The following SLC45A4 variants were observed in gnomAD, a reference collection of about 807,000 sequenced individuals.
SLC45A4 encodes the protein polyamine-transporter SLC45A4.
SLC45A4 carries 32 observed loss-of-function variants against 63.7 expected under a neutral mutation model. That is an observed-to-expected ratio of 0.50 (90% CI 0.38 to 0.67). The LOEUF (loss-of-function observed/expected upper bound fraction) is 0.67. SLC45A4 is among the 30% of genes least tolerant of loss of function. The pLI is 0.00. For missense variants in SLC45A4, 1,027 were observed against 1,157.7 expected, an observed-to-expected ratio of 0.89 and a Z score of 1.64; for synonymous variants, 535 against 510.0, an observed-to-expected ratio of 1.05 and a Z score of -0.66.
intron 2 of SLC45A4, among the ~76,000 whole-genome samples, chr8:141,238,107 C>A: frequency 6.6e-6 from 1 of 152,190 alleles, no homozygotes; most frequent in South Asian, 2.1e-4. Flanking sequence ...GGCCACGGGC[C>A]ACCTGTGCTG....
Position 141,211,821 on chromosome 8 carries a change from A to T in SLC45A4, c.2302-124T>A, listed in dbSNP as rs548855291. 7 of 1,320,472 alleles carry T rather than the reference A, an allele frequency of 5.3e-6. No individual in the cohort carries two copies. The African/African-American group carries it at 1.1e-4, about 20-fold the overall frequency. 81.8% of individuals were successfully genotyped at this position (1,320,472 alleles called of 1,614,324 possible). A position where few individuals can be genotyped will look rare whatever the true frequency, so the allele number is the denominator to read the frequency against. ...TTTTCAATTATAATTTTAGAAATGC[A>T]AAATCTTATTTTTTCTAAGTTGCTT... On this transcript the variant is annotated intron_variant, in intron 8 of 8. Transcript: ENST00000517878.
chr8:141,277,252 C>T (rs1171746466), intron 1 of SLC45A4, among the ~76,000 whole-genome samples: 3 of 152,244 alleles, frequency 2.0e-5, no homozygotes, highest in African/African-American at 4.8e-5. Flanking sequence ...GGACACAAGA[C>T]AGGTCCGGGT....
intron 2 of SLC45A4, among the ~76,000 whole-genome samples, chr8:141,249,981 G>A (rs1254950158): frequency 2.0e-5 from 3 of 152,192 alleles, no homozygotes; most frequent in Non-Finnish European, 4.4e-5. Context: ...CGTGAACTCT[G>A]TAATGCTCAG....
chr8:141,283,688 G>A (rs1225567733), intron 1 of SLC45A4, among the ~76,000 whole-genome samples: 3 of 152,232 alleles, frequency 2.0e-5, no homozygotes, highest in Non-Finnish European at 2.9e-5. Flanking sequence ...GCTTGAAGGA[G>A]CAGAAGAAAA....
chr8:141,219,610 G>T, intron 4 of SLC45A4, 40 bp downstream of exon 4: 2 of 1,570,618 alleles, frequency 1.3e-6, no homozygotes, highest in Non-Finnish European at 8.6e-7. Flanking sequence ...GCCCGGGCAC[G>T]TTGGAACCCG....
intron 2 of SLC45A4, chr8:141,252,423 C>T (rs1161794065): frequency 6.3e-6 from 1 of 158,372 alleles, no homozygotes; most frequent in South Asian, 1.5e-4. Flanking sequence ...GTTTTCACGC[C>T]CACCTGCGTG....
rs548251202 is a variant in SLC45A4, at chr8:141,258,720, AATT to A, written c.-400-4094_-400-4092del. On this transcript the variant is annotated intron_variant, in intron 1 of 8. Coordinates refer to ENST00000517878, the MANE Select transcript of SLC45A4 (RefSeq NM_001286646.2). ...CAACACAGCAAGACTCCATCTCTAT[AATT>A]ATTATTATTATTTTTTAATTAGCCA... Among the ~76,000 whole-genome samples the A allele has an allele frequency of 3.1e-3, 475 of 152,016 alleles. 3 individuals carry two copies. The highest frequency in any genetic ancestry group is 3.8e-3 in the Non-Finnish European group (258 of 67,976).
intron 1 of SLC45A4, among the ~76,000 whole-genome samples, chr8:141,296,214 C>G (rs1439578264): frequency 1.3e-5 from 2 of 152,088 alleles, no homozygotes; most frequent in Non-Finnish European, 2.9e-5. Context: ...ACCTGCAATC[C>G]CAGCTACTCA....
At chr8:141,251,219 C>T (rs756832863) in intron 2 of SLC45A4, among the ~76,000 whole-genome samples, 4 of 152,070 alleles carry the variant, frequency 2.6e-5, no homozygotes, top group Non-Finnish European at 5.9e-5. Context: ...ACTGAAGGGA[C>T]GAAATAAATG....
intron 1 of SLC45A4, among the ~76,000 whole-genome samples, chr8:141,304,085 G>A (rs912664555): frequency 2.6e-5 from 4 of 152,168 alleles, no homozygotes; most frequent in South Asian, 2.1e-4. Flanking sequence ...GGTGGGCCTT[G>A]GGATGACCCT....
chr8:141,238,615 A>G (rs1827745319), intron 2 of SLC45A4, among the ~76,000 whole-genome samples: 1 of 151,434 alleles, frequency 6.6e-6, no homozygotes, highest in African/African-American at 2.4e-5. Context: ...TTCCCCCACC[A>G]CCGCATCTCC....
At chr8:141,277,437 G>A (rs1406030775) in intron 1 of SLC45A4, among the ~76,000 whole-genome samples, 1 of 152,160 alleles carries the variant, frequency 6.6e-6, no homozygotes. Flanking sequence ...AGCTACTCTG[G>A]ACACAATGGA....
intron 1 of SLC45A4, among the ~76,000 whole-genome samples, chr8:141,298,515 CCAA>C (rs1442807667): frequency 6.6e-6 from 1 of 152,180 alleles, no homozygotes; most frequent in Non-Finnish European, 1.5e-5. Flanking sequence ...GTGACAGTGC[CCAA>C]CAAGAGGGCA....
At chr8:141,292,113 G>A (rs979234909) in intron 1 of SLC45A4, among the ~76,000 whole-genome samples, 8 of 152,142 alleles carry the variant, frequency 5.3e-5, no homozygotes, top group South Asian at 2.1e-4. Flanking sequence ...CCTACTCCCC[G>A]CCCCTCACCG....
At chr8:141,290,800 G>A (rs1005307857) in intron 1 of SLC45A4, among the ~76,000 whole-genome samples, 1 of 152,222 alleles carries the variant, frequency 6.6e-6, no homozygotes, top group African/African-American at 2.4e-5. Flanking sequence ...TGTGGCGGGG[G>A]GGCCTGGGGA....
chr8:141,260,446 T>C (rs1828998478), intron 1 of SLC45A4, among the ~76,000 whole-genome samples: 1 of 152,216 alleles, frequency 6.6e-6, no homozygotes, highest in Non-Finnish European at 1.5e-5. Context: ...CCCATTGGAC[T>C]AACCCAGTTT....
chr8:141,300,968 C>T (rs1031737625), intron 1 of SLC45A4, among the ~76,000 whole-genome samples: 10 of 152,202 alleles, frequency 6.6e-5, no homozygotes, highest in Non-Finnish European at 1.2e-4. Context: ...GCACAGCAAG[C>T]GCCCCGTGCA....
chr8:141,294,581 C>T (rs1830474306), intron 1 of SLC45A4, among the ~76,000 whole-genome samples: 1 of 152,250 alleles, frequency 6.6e-6, no homozygotes, highest in Non-Finnish European at 1.5e-5. Flanking sequence ...AGCCAGTTCC[C>T]TGTGAGCAGT....
At chr8:141,271,234 G>A (rs754549285) in intron 1 of SLC45A4, among the ~76,000 whole-genome samples, 27 of 152,220 alleles carry the variant, frequency 1.8e-4, no homozygotes, top group Non-Finnish European at 3.7e-4. Flanking sequence ...CTTCCTGCCG[G>A]TGAAGTCACA....
Sources: allele counts gnomAD v4.1 joint callset (sites outside exome capture counted in the v4.1 genomes callset), GRCh38; gene constraint gnomAD v4.1.1; transcripts MANE v1.5; gene names NCBI Gene and HGNC (gene_info 2026-07-23, HGNC 2026-07-21).